Variants in RPS6KA5 observed in about 807,000 individuals in gnomAD.
The protein encoded by RPS6KA5 is ribosomal protein S6 kinase A5.
A neutral mutation model predicts 85.5 loss-of-function variants in RPS6KA5; 27 were observed. That is an observed-to-expected ratio of 0.32 (90% confidence interval 0.23 to 0.44). RPS6KA5 has a LOEUF of 0.44. Among genes scored for constraint, RPS6KA5 ranks in the 20% least tolerant of loss-of-function variants. The pLI is 1.00. For synonymous variants in RPS6KA5, 334 were observed against 348.2 expected (o/e 0.96, Z 0.46); for missense variants, 811 against 980.9 (o/e 0.83, Z 2.31).
chr14:90,986,548 CCTAA>C (rs1360422052), intron 2 of RPS6KA5, among the ~76,000 whole-genome samples: 2 of 152,136 alleles, frequency 1.3e-5, no homozygotes, highest in African/African-American at 2.4e-5. Context: ...AAGCTGTTTG[CCTAA>C]CTAAATAGTG....
intron 1 of RPS6KA5, among the ~76,000 whole-genome samples, chr14:91,006,832 G>A (rs972606523): frequency 3.9e-5 from 6 of 152,084 alleles, no homozygotes; most frequent in African/African-American, 1.4e-4. Context: ...GCCTCCCAAA[G>A]TGCTGGGATT....
At chr14:90,899,483 G>T in intron 11 of RPS6KA5, 61 bp from the exon 12 acceptor site, 3 of 1,068,946 alleles carry the variant, frequency 2.8e-6, no homozygotes, top group Non-Finnish European at 2.9e-6. Flanking sequence ...TATCAGTACT[G>T]CCCCAAGACT....
At chr14:90,991,557 C>T (rs2040306139) in intron 2 of RPS6KA5, among the ~76,000 whole-genome samples, 1 of 151,784 alleles carries the variant, frequency 6.6e-6, no homozygotes, top group Non-Finnish European at 1.5e-5. Context: ...CAAAAATTAT[C>T]CGGGCATGGT....
chr14:90,947,479 T>A lies in RPS6KA5; in HGVS notation c.466A>T (p.Ile156Phe). The change falls in exon 4 of 17, where the codon ATT (isoleucine) becomes TTT (phenylalanine). Residue 156 changes from isoleucine to phenylalanine, a missense_variant. By Grantham distance (21) the Ile-to-Phe change is conservative. Transcript: ENST00000614987. The stretch of plus-strand genomic sequence containing the variant: ...GCAAGCACAATCTCTCCAACATAAA[T>A]CTGCACCTCATGCTCTGTGAAACGC... ...RERFTEHEVQ[I>F]YVGEIVLALE... 1.2e-6 allele frequency: 2 copies of A among 1,612,890 alleles called. No homozygotes were observed. The highest frequency in any genetic ancestry group is 1.7e-6 in the Non-Finnish European group (2 of 1,178,934).
Position 90,921,944 on chromosome 14 carries a change from C to A in RPS6KA5, c.702+1169G>T, listed in dbSNP as rs186018317. The stretch of plus-strand genomic sequence containing the variant: ...TGTACCCTTTAATACAGAAAAAAAA[C>A]CATGACCTAGATTTTATAACATAAT... On this transcript the variant is annotated intron_variant, in intron 6 of 16. Transcript: ENST00000614987. Among the ~76,000 whole-genome samples, 223 of 152,122 alleles carry A rather than the reference C, an allele frequency of 1.5e-3. 2 individuals are homozygous for A. The highest frequency in any genetic ancestry group is 0.01 in the South Asian group (49 of 4,806).
At chr14:90,902,651 G>A (rs1174385822) in intron 9 of RPS6KA5, among the ~76,000 whole-genome samples, 157 bp downstream of exon 9, 2 of 152,056 alleles carry the variant, frequency 1.3e-5, no homozygotes, top group Admixed American at 6.5e-5. Context: ...TATAAGCTTC[G>A]GTTAACAATG....
chr14:90,949,243 G>A (rs921065940), intron 3 of RPS6KA5, among the ~76,000 whole-genome samples: 12 of 152,126 alleles, frequency 7.9e-5, no homozygotes, highest in African/African-American at 2.9e-4. Flanking sequence ...AAAGAAGCAC[G>A]CATATATCAA....
chr14:90,931,764 A>G (rs1004397301), intron 5 of RPS6KA5, among the ~76,000 whole-genome samples: 1 of 152,232 alleles, frequency 6.6e-6, no homozygotes, highest in African/African-American at 2.4e-5. Flanking sequence ...TGTGATAGAG[A>G]AAACATAGAA....
At chr14:90,993,143 G>T (rs768626789) in intron 2 of RPS6KA5, among the ~76,000 whole-genome samples, 1 of 152,066 alleles carries the variant, frequency 6.6e-6, no homozygotes, top group Non-Finnish European at 1.5e-5. Flanking sequence ...CTCAGCTTTT[G>T]TATGTTTGAA....
intron 14 of RPS6KA5, among the ~76,000 whole-genome samples, chr14:90,886,110 T>C (rs2034210412): frequency 1.3e-5 from 2 of 152,084 alleles, no homozygotes; most frequent in Admixed American, 6.5e-5. Context: ...ATATGTATTA[T>C]ATATACTCAT....
chr14:90,876,005 A>G (rs2140145039), intron 14 of RPS6KA5, among the ~76,000 whole-genome samples: 1 of 152,172 alleles, frequency 6.6e-6, no homozygotes. Context: ...ATACATATGT[A>G]AAAAACCTGC....
chr14:90,961,035 G>A (rs1304599178), intron 3 of RPS6KA5, among the ~76,000 whole-genome samples: 2 of 152,140 alleles, frequency 1.3e-5, no homozygotes, highest in East Asian at 1.9e-4. Flanking sequence ...AAGGGCTCCC[G>A]ACAGACAAGA....
chr14:90,923,913 G>A (rs2036530910), intron 5 of RPS6KA5, among the ~76,000 whole-genome samples: 1 of 151,958 alleles, frequency 6.6e-6, no homozygotes, highest in African/African-American at 2.4e-5. Context: ...AATCAATTAT[G>A]CAATTACGTA....
intron 1 of RPS6KA5, among the ~76,000 whole-genome samples, chr14:91,043,837 C>A (rs1250077296): frequency 1.3e-5 from 2 of 152,174 alleles, no homozygotes; most frequent in East Asian, 1.9e-4. Flanking sequence ...ATCTCCTCCC[C>A]TTGAGTGAGT....
rs565098324 is a variant in RPS6KA5, at chr14:90,869,270, T to A, written c.*2804A>T. On this transcript the variant is annotated 3_prime_UTR_variant, in exon 17 of 17. Transcript: ENST00000614987. Reference sequence around the variant, plus strand: ...TCTAACTCCTGGTTTCAAGTGATTCTCCAGTCTTATACTCCCAAAGCACAA... The same window carrying A: ...TCTAACTCCTGGTTTCAAGTGATTCACCAGTCTTATACTCCCAAAGCACAA... 1 of 152,340 alleles carries A rather than the reference T, an allele frequency of 6.6e-6. No homozygotes were observed. The highest frequency in any genetic ancestry group is 6.5e-5 in the Admixed American group (1 of 15,294). 9.4% of individuals were successfully genotyped at this position (152,340 alleles called of 1,614,324 possible).
intron 1 of RPS6KA5, among the ~76,000 whole-genome samples, chr14:91,028,530 TTTTTTTGAGACAAAGTCTCACTCTG>T (rs2042069374): frequency 6.7e-6 from 1 of 149,930 alleles, no homozygotes; most frequent in African/African-American, 2.5e-5. Context: ...ATGATTTTTT[TTTTTTTGAGACAAAGTCTCACTCTG>T]TCGCCCAGGC....
chr14:91,008,424 AG>A (rs2041123070), intron 1 of RPS6KA5, among the ~76,000 whole-genome samples: 2 of 152,236 alleles, frequency 1.3e-5, no homozygotes, highest in Non-Finnish European at 2.9e-5. Flanking sequence ...GTGGACATGA[AG>A]GAGAATATCA....
At chr14:90,965,284 C>CTGAG (rs1247112135) in intron 3 of RPS6KA5, among the ~76,000 whole-genome samples, 1 of 152,010 alleles carries the variant, frequency 6.6e-6, no homozygotes, top group African/African-American at 2.4e-5. Context: ...ACTCGGGAGG[C>CTGAG]TGAGGCTTGA....
rs901825970 is a variant in RPS6KA5 at position 90,864,793 on chromosome 14, T to G, written c.*7281A>C. ...AAAAGGTGTTCCACACATCACTACTTATCAGGAAAATACACCTTAAAATCT... is the reference window on the plus strand; with the variant it reads ...AAAAGGTGTTCCACACATCACTACTGATCAGGAAAATACACCTTAAAATCT... On this transcript the variant is annotated 3_prime_UTR_variant, in exon 17 of 17. Coordinates refer to ENST00000614987, the MANE Select transcript of RPS6KA5 (RefSeq NM_004755.4). 59 of 152,316 alleles carry G rather than the reference T, an allele frequency of 3.9e-4. No individual in the cohort carries two copies. Among genetic ancestry groups the G allele is most frequent in the African/African-American group, 1.3e-3 (56 of 41,580 alleles). The allele number at this position is 152,316 out of a possible 1,614,324, so 9.4% of individuals were successfully genotyped here. A position where few individuals can be genotyped will look rare whatever the true frequency, so the allele number is the denominator to read the frequency against.
Sources: gnomAD v4.1 joint callset for allele counts (sites outside exome capture counted in the v4.1 genomes callset) on GRCh38, gnomAD v4.1.1 for gene constraint, MANE v1.5 for transcripts, NCBI Gene and HGNC (gene_info 2026-07-23, HGNC 2026-07-21) for gene names.